The following CENPU variants were observed in gnomAD, a reference collection of about 807,000 sequenced individuals.
The protein encoded by CENPU is centromere protein U.
In CENPU, 46 loss-of-function variants were observed where a neutral mutation model predicts 56.7. That is an observed-to-expected ratio of 0.81 (90% CI 0.64 to 1.04). The LOEUF (loss-of-function observed/expected upper bound fraction) is 1.04, where lower values mean the gene tolerates loss of function less well. CENPU is among the 50% of genes least tolerant of loss of function. CENPU has a pLI of 0.00. For missense variants in CENPU, 510 were observed against 490.1 expected (o/e 1.04, Z -0.38); for synonymous variants, 166 against 163.0 (o/e 1.02, Z -0.14).
chr4:184,731,366 T>C (rs1169275934), intron 1 of CENPU, among the ~76,000 whole-genome samples: 1 of 152,214 alleles, frequency 6.6e-6, no homozygotes, highest in East Asian at 1.9e-4. Context: ...ATGTTACAGA[T>C]GTGTGCTTGC....
Position 184,694,160 on chromosome 4 carries a change from T to TAC in CENPU, c.*1126_*1127dup. 2.2e-6 allele frequency: 2 copies of TAC among 929,300 alleles called. No homozygotes were observed. Among genetic ancestry groups the TAC allele is most frequent in the Non-Finnish European group, 2.6e-6 (2 of 767,896 alleles). 57.6% of individuals were successfully genotyped at this position (929,300 alleles called of 1,614,324 possible). ...AATACTTTAAAATTTAAAGCATGGGTACTAAGTCCATTGTCAAGATAGCAA... is the reference window on the plus strand; with the variant it reads ...AATACTTTAAAATTTAAAGCATGGGTACACTAAGTCCATTGTCAAGATAGCAA... On this transcript the variant is annotated 3_prime_UTR_variant, in exon 13 of 13. Transcript: ENST00000281453.
Position 184,694,302 on chromosome 4 carries a change from A to G in CENPU, c.*986T>C. ...TGTGCACAGAACTGTAGGTAATTTC[A>G]AATTTGGAGTTTCAAGTGTGTCTGA... On this transcript the variant is annotated 3_prime_UTR_variant, in exon 13 of 13. Coordinates refer to ENST00000281453, the MANE Select transcript of CENPU (RefSeq NM_024629.4). The G allele has an allele frequency of 7.6e-7, 1 of 1,321,280 alleles. No individual in the cohort carries two copies. The highest frequency in any genetic ancestry group is 3.2e-5 in the Admixed American group (1 of 31,266). The allele number at this position is 1,321,280 out of a possible 1,614,324, so 81.8% of individuals were successfully genotyped here.
chr4:184,709,664 T>C (rs1278513836), intron 8 of CENPU, among the ~76,000 whole-genome samples: 2 of 151,996 alleles, frequency 1.3e-5, no homozygotes, highest in Non-Finnish European at 1.5e-5. Flanking sequence ...TCTAAATATA[T>C]ACAGCACAAA....
chr4:184,700,841 T>C lies in CENPU; in HGVS notation c.965A>G (p.Glu322Gly), dbSNP rs751238758. 6.2e-7 allele frequency: 1 copy of C among 1,613,930 alleles called. No individual in the cohort carries two copies. The highest frequency in any genetic ancestry group is 8.5e-7 in the Non-Finnish European group (1 of 1,179,788). ...TTACCGAAGCAGTTCATCCTGGACT[T>C]CAATCATACGCTGCCTTTTCTTTTC... ...DIEKKRQRMI[E>G]VQDELLRLEP... The change falls in exon 11 of 13, where the codon GAA becomes GGA. Residue 322 changes from glutamate (E) to glycine (G), a missense_variant. By Grantham distance (98) the Glu-to-Gly change is moderately conservative. Coordinates refer to ENST00000281453, the MANE Select transcript of CENPU (RefSeq NM_024629.4).
chr4:184,706,471 C>T lies in CENPU; in HGVS notation c.797+3601G>A, dbSNP rs184807435. On this transcript the variant is annotated intron_variant, in intron 8 of 12. Transcript: ENST00000281453. ...CTACACAAGACAGCTCTTCCAAATT[C>T]TAGCAACTTAAAACATCTGGCAAAA... Among the ~76,000 whole-genome samples, 9 of 152,356 alleles carry T rather than the reference C, an allele frequency of 5.9e-5. No homozygotes were observed. The East Asian group carries it at 1.7e-3, about 29-fold the overall frequency.
At chr4:184,708,551 G>GT (rs1198551375) in intron 8 of CENPU, among the ~76,000 whole-genome samples, 1 of 151,932 alleles carries the variant, frequency 6.6e-6, no homozygotes, top group Non-Finnish European at 1.5e-5. Context: ...AAAAATAACA[G>GT]TTTAGAGAGC....
At position 184,695,321 on chromosome 4, in the gene CENPU, G is replaced by A. The variant is rs1760230697; in HGVS notation, c.1224C>T (p.Asn408=). 6 of 1,613,436 alleles carry A rather than the reference G, an allele frequency of 3.7e-6. No individual in the cohort carries two copies. The East Asian group carries it at 1.3e-4, about 36-fold the overall frequency. Reference sequence around the variant, plus strand: ...GGTCAAGGAGCTTCTCTAACTGATGGTTGATATTTCGCAGATGGCTTTCGG... The same window carrying A: ...GGTCAAGGAGCTTCTCTAACTGATGATTGATATTTCGCAGATGGCTTTCGG... ...LGAESHLRNI[N]HQLEKLLDQG Residue 408 remains asparagine, a synonymous_variant, in exon 13 of 13, where the codon AAC becomes AAT. Coordinates refer to ENST00000281453, the MANE Select transcript of CENPU (RefSeq NM_024629.4).
chr4:184,702,008 T>C, intron 10 of CENPU, 81 bp downstream of exon 10: 1 of 899,506 alleles, frequency 1.1e-6, no homozygotes, highest in Non-Finnish European at 1.8e-6. Context: ...CTAAAGGCTG[T>C]AAACCCAGAG....
At chr4:184,723,490 C>T (rs972182724) in intron 4 of CENPU, among the ~76,000 whole-genome samples, 8 of 147,948 alleles carry the variant, frequency 5.4e-5, no homozygotes, top group Middle Eastern at 3.3e-3. Context: ...ACATTCACCA[C>T]TGTTTAAAGT....
In CENPU at chr4:184,695,368, T is replaced by C. The variant is rs138323577; in HGVS notation, c.1177A>G (p.Lys393Glu). Residue 393 changes from lysine to glutamate, a missense_variant, in exon 13 of 13, where the codon AAA becomes GAA. Coordinates refer to ENST00000281453, the MANE Select transcript of CENPU (RefSeq NM_024629.4). Reference protein sequence around the residue: ...DSSSLPALLFKARTLLGAESH... With the variant: ...DSSSLPALLFEARTLLGAESH... Reference sequence around the variant, plus strand: ...TCGGCTCCCAGAAGTGTTCTTGCTTTAAATAACAGAGCTGGAAGGCTGGAT... The same window carrying C: ...TCGGCTCCCAGAAGTGTTCTTGCTTCAAATAACAGAGCTGGAAGGCTGGAT... The C allele has an allele frequency of 3.1e-6, 5 of 1,613,324 alleles. No homozygotes were observed. The African/African-American group carries it at 6.7e-5, about 21-fold the overall frequency.
Position 184,729,047 on chromosome 4 carries a change from T to C in CENPU, c.97-12A>G. ...TTTTGACCAGCTTTCTAAAAGTGAA[T>C]AAAGTTGAGTCATTGAGTTGGCTCT... is the stretch of plus-strand genomic sequence containing the variant. On this transcript the variant is annotated splice_polypyrimidine_tract_variant and intron_variant, in intron 2 of 12. Coordinates refer to ENST00000281453, the MANE Select transcript of CENPU (RefSeq NM_024629.4). 1 of 1,591,894 alleles carries C rather than the reference T, an allele frequency of 6.3e-7. No individual in the cohort carries two copies. The highest frequency in any genetic ancestry group is 8.6e-7 in the Non-Finnish European group (1 of 1,161,804).
At chr4:184,721,458 A>T (rs1031809574) in intron 4 of CENPU, among the ~76,000 whole-genome samples, 11 of 4,626 alleles carry the variant, frequency 2.4e-3, no homozygotes, top group Non-Finnish European at 0.01. Flanking sequence ...GGCTGATTGT[A>T]AAAAAAAAAA....
At chr4:184,709,160 T>A (rs751409071) in intron 8 of CENPU, among the ~76,000 whole-genome samples, 1 of 151,968 alleles carries the variant, frequency 6.6e-6, no homozygotes, top group Admixed American at 6.6e-5. Flanking sequence ...AAATTTAAGG[T>A]CGCAAAAAGG....
At chr4:184,703,144 G>A (rs1760599142) in intron 8 of CENPU, among the ~76,000 whole-genome samples, 1 of 152,154 alleles carries the variant, frequency 6.6e-6, no homozygotes, top group Non-Finnish European at 1.5e-5. Context: ...AAGCCCTCTG[G>A]TACGGGGTCA....
intron 11 of CENPU, among the ~76,000 whole-genome samples, chr4:184,699,248 C>T (rs1032442821): frequency 5.3e-5 from 8 of 152,000 alleles, no homozygotes; most frequent in Non-Finnish European, 7.3e-5. Flanking sequence ...GAGAATAGCG[C>T]GAACCCGGGA....
At chr4:184,726,152 G>T (rs969438344) in intron 3 of CENPU, among the ~76,000 whole-genome samples, 1 of 152,106 alleles carries the variant, frequency 6.6e-6, no homozygotes, top group African/African-American at 2.4e-5. Flanking sequence ...CCTCCACGAG[G>T]CAAAGGGATT....
chr4:184,726,390 C>G (rs1468268719), intron 3 of CENPU, among the ~76,000 whole-genome samples: 2 of 151,906 alleles, frequency 1.3e-5, no homozygotes, highest in Admixed American at 1.3e-4. Context: ...AGCAAATGGT[C>G]AGCCATAAGT....
chr4:184,716,230 C>T (rs556141406), intron 6 of CENPU, among the ~76,000 whole-genome samples, 167 bp downstream of exon 6: 20 of 152,268 alleles, frequency 1.3e-4, no homozygotes, highest in South Asian at 8.3e-4. Flanking sequence ...CCACCTCGCC[C>T]GGCCATACCA....
intron 11 of CENPU, 68 bp downstream of exon 11, chr4:184,700,752 C>T: frequency 7.6e-7 from 1 of 1,316,146 alleles, no homozygotes; most frequent in Non-Finnish European, 1.1e-6. Context: ...AGTGTCACTC[C>T]CCTAAATGAC....
Sources: gnomAD v4.1 joint callset for allele counts (sites outside exome capture counted in the v4.1 genomes callset) on GRCh38, gnomAD v4.1.1 for gene constraint, MANE v1.5 for transcripts, NCBI Gene and HGNC (gene_info 2026-07-23, HGNC 2026-07-21) for gene names.